Variants in NUTM1 observed in about 807,000 individuals in gnomAD.
NUTM1 encodes the protein NUT midline carcinoma family member 1.
Under a neutral mutation model 88.7 loss-of-function variants are expected in NUTM1, and 39 were observed. The observed-to-expected ratio is 0.44, with a 90% confidence interval of 0.34 to 0.57. The LOEUF is 0.57. Ranked by LOEUF, NUTM1 falls within the 20% of genes least tolerant of loss-of-function variation. The pLI is 0.01. For synonymous variants in NUTM1, 494 were observed against 538.0 expected, an observed-to-expected ratio of 0.92 and a Z score of 1.13; for missense variants, 1,350 against 1,414.5, an observed-to-expected ratio of 0.95 and a Z score of 0.73.
chr15:34,344,190 C>G (rs928114625), intron 1 of NUTM1, among the ~76,000 whole-genome samples: 3 of 146,524 alleles, frequency 2.0e-5, no homozygotes, highest in Non-Finnish European at 4.5e-5. Context: ...CCACTGCACT[C>G]CAGCCTGGGT....
intron 3 of NUTM1, among the ~76,000 whole-genome samples, chr15:34,350,354 T>G (rs888048115): frequency 3.3e-5 from 5 of 152,226 alleles, no homozygotes; most frequent in Admixed American, 2.0e-4. Flanking sequence ...ACATACTTTA[T>G]AGCAAATCCC....
In NUTM1 at chr15:34,353,892, A is replaced by T; in HGVS notation, c.1075+20A>T. 6.2e-7 allele frequency: 1 copy of T among 1,612,518 alleles called. No homozygotes were observed. Among genetic ancestry groups the T allele is most frequent in the Non-Finnish European group, 8.5e-7 (1 of 1,179,854 alleles). ...AGCCAGGTGAGGCTACCCAATTTTGACAGGAGCCGTGGGCCAAAGGCTCAA... is the reference window on the plus strand; with the variant it reads ...AGCCAGGTGAGGCTACCCAATTTTGTCAGGAGCCGTGGGCCAAAGGCTCAA... On this transcript the variant is annotated intron_variant, in intron 5 of 7. Coordinates refer to ENST00000537011, the MANE Select transcript of NUTM1 (RefSeq NM_001284292.2).
chr15:34,348,244 T>TC lies in NUTM1; in HGVS notation c.377dup (p.Ala127SerfsTer2). 1.2e-6 allele frequency: 2 copies of TC among 1,613,884 alleles called. No individual in the cohort carries two copies. Among genetic ancestry groups the TC allele is most frequent in the Non-Finnish European group, 1.7e-6 (2 of 1,179,976 alleles). On this transcript the variant is annotated frameshift_variant, in exon 3 of 8. Transcript: ENST00000537011. LOFTEE classifies it high-confidence loss of function. ...TGTCAAAGTCAAGACAGAAGGGGGG[T>TC]CAGCTGAGCCCTCTCAAACTCAGAA...
chr15:34,352,019 A>C (rs895838558), intron 4 of NUTM1, among the ~76,000 whole-genome samples: 11 of 152,002 alleles, frequency 7.2e-5, no homozygotes, highest in African/African-American at 2.7e-4. Flanking sequence ...AAAAATACAA[A>C]ATTAGCCAGG....
chr15:34,347,792 G>A (rs1008373883), intron 2 of NUTM1, among the ~76,000 whole-genome samples, 177 bp from the exon 3 acceptor site: 2 of 152,116 alleles, frequency 1.3e-5, no homozygotes, highest in Admixed American at 1.3e-4. Flanking sequence ...GGCGGAGATT[G>A]CAGTGAGCCG....
chr15:34,353,906 C>T, intron 5 of NUTM1, 34 bp downstream of exon 5: 1 of 1,610,838 alleles, frequency 6.2e-7, no homozygotes, highest in Non-Finnish European at 8.5e-7. Context: ...GAGCCGTGGG[C>T]CAAAGGCTCA....
intron 3 of NUTM1, 151 bp from the exon 4 acceptor site, chr15:34,350,553 G>A (rs777256600): frequency 3.8e-4 from 298 of 778,518 alleles, no homozygotes; most frequent in Non-Finnish European, 4.0e-4. Flanking sequence ...GAGGTTGAGC[G>A]TCTGTAAGTC....
chr15:34,345,846 C>T (rs978469607), intron 1 of NUTM1, 96 bp from the exon 2 acceptor site: 12 of 1,507,282 alleles, frequency 8.0e-6, no homozygotes, highest in Non-Finnish European at 1.1e-5. Flanking sequence ...CTCTCCCCTC[C>T]CCCACAGCAG....
chr15:34,356,749 G>A lies in NUTM1; in HGVS notation c.2741G>A (p.Ser914Asn). The part of the protein sequence containing the change: ...SLPEASQEAG[S>N]RGNSFSPLLE... Reference sequence around the variant, plus strand: ...CCTGAAGCCAGTCAAGAGGCAGGGAGCAGAGGCAATTCCTTTTCTCCTCTG... The same window carrying A: ...CCTGAAGCCAGTCAAGAGGCAGGGAACAGAGGCAATTCCTTTTCTCCTCTG... The change falls in exon 8 of 8, where the codon AGC becomes AAC. Residue 914 changes from serine (S) to asparagine (N), a missense_variant. This residue lies in a region of NUTM1 where 730 missense variants were observed against 728.8 expected (regional missense o/e 1.00). Transcript: ENST00000537011. 1.2e-6 allele frequency: 2 copies of A among 1,612,980 alleles called. No individual in the cohort carries two copies. Among genetic ancestry groups the A allele is most frequent in the Non-Finnish European group, 8.5e-7 (1 of 1,179,724 alleles).
At chr15:34,355,000 G>A (rs751403263) in intron 6 of NUTM1, 21 bp from the exon 7 acceptor site, 11 of 1,565,422 alleles carry the variant, frequency 7.0e-6, no homozygotes, top group African/African-American at 2.7e-5. Flanking sequence ...GACTTACATC[G>A]CTTTTCCTTC....
Position 34,355,467 on chromosome 15 carries a change from C to T in NUTM1, c.1480-21C>T, listed in dbSNP as rs1566890474. 6.2e-7 allele frequency: 1 copy of T among 1,613,590 alleles called. No homozygotes were observed. Among genetic ancestry groups the T allele is most frequent in the East Asian group, 2.2e-5 (1 of 44,890 alleles). The stretch of plus-strand genomic sequence containing the variant: ...CTTTCACAACCACGTATAGAACTGA[C>T]TATTTGTTCATTTCTTTCAGCTGGT... On this transcript the variant is annotated intron_variant, in intron 7 of 7. Transcript: ENST00000537011. The surrounding 1 kb of genome is among the most constrained non-coding windows in gnomAD (Gnocchi z 4.3).
rs1369276381 is a variant in NUTM1 at position 34,356,267 on chromosome 15, C to T, written c.2259C>T (p.Ser753=). ...GTCTCAGCCCAGGAGTTTGGCTGAG[C>T]AGTGAGATGGATGCTGTAGGCTTGG... ...DVCLSPGVWL[S]SEMDAVGLEL... is the part of the protein sequence containing the mutation. Residue 753 remains serine, a synonymous_variant, in exon 8 of 8, where the codon AGC becomes AGT. Transcript: ENST00000537011. The T allele has an allele frequency of 1.2e-6, 2 of 1,611,122 alleles. No homozygotes were observed. Among genetic ancestry groups the T allele is most frequent in the Non-Finnish European group, 1.7e-6 (2 of 1,178,526 alleles).
Position 34,354,665 on chromosome 15 carries a change from T to C in NUTM1, c.1295T>C (p.Met432Thr). The change falls in exon 6 of 8, where the codon ATG becomes ACG. Residue 432 changes from methionine to threonine, a missense_variant. Coordinates refer to ENST00000537011, the MANE Select transcript of NUTM1 (RefSeq NM_001284292.2). ...EEGQQQEEEGMYPDPGLLSYI... is the reference protein window; with the variant it reads ...EEGQQQEEEGTYPDPGLLSYI... ...GGGCAGCAGCAGGAGGAGGAAGGGATGTATCCAGATCCAGGTCTCCTGAGC... is the reference window on the plus strand; with the variant it reads ...GGGCAGCAGCAGGAGGAGGAAGGGACGTATCCAGATCCAGGTCTCCTGAGC... The C allele has an allele frequency of 6.2e-7, 1 of 1,614,082 alleles. No individual in the cohort carries two copies. Among genetic ancestry groups the C allele is most frequent in the Non-Finnish European group, 8.5e-7 (1 of 1,180,000 alleles).
rs1896320031 is a variant in NUTM1 at position 34,357,713 on chromosome 15, T to C, written c.*222T>C. ...AGGAGCTATATAGAAAAAAAATGAATAAAGTGTTTTGTTGGAAAATGCTCT... is the reference window on the plus strand; with the variant it reads ...AGGAGCTATATAGAAAAAAAATGAACAAAGTGTTTTGTTGGAAAATGCTCT... On this transcript the variant is annotated 3_prime_UTR_variant, in exon 8 of 8. Transcript: ENST00000537011. The C allele has an allele frequency of 1.3e-6, 1 of 783,860 alleles. No homozygotes were observed. Among genetic ancestry groups the C allele is most frequent in the Non-Finnish European group, 2.1e-6 (1 of 476,702 alleles). The allele number at this position is 783,860 out of a possible 1,614,324, so 48.6% of individuals were successfully genotyped here. A position where few individuals can be genotyped will look rare whatever the true frequency, so the allele number is the denominator to read the frequency against.
rs781414525 is a variant in NUTM1 at position 34,354,728 on chromosome 15, C to G, written c.1358C>G (p.Ser453Cys). 1 of 1,614,046 alleles carries G rather than the reference C, an allele frequency of 6.2e-7. No individual in the cohort carries two copies. Among genetic ancestry groups the G allele is most frequent in the South Asian group, 1.1e-5 (1 of 91,012 alleles). ...CTGTGTTCTCAGAAGGTCTTTGTCTCCAAGGTGAGCTGGGCCTGCACATCT... is the reference window on the plus strand; with the variant it reads ...CTGTGTTCTCAGAAGGTCTTTGTCTGCAAGGTGAGCTGGGCCTGCACATCT... ...NELCSQKVFV[S>C]KVEAVIHPQF... The change falls in exon 6 of 8, where the codon TCC becomes TGC. Residue 453 changes from serine (S) to cysteine (C), a missense_variant. Ser to Cys is a moderately radical substitution (Grantham distance 112). This residue lies in a region of NUTM1 where 126 missense variants were observed against 189.8 expected (regional missense o/e 0.66). Coordinates refer to ENST00000537011, the MANE Select transcript of NUTM1 (RefSeq NM_001284292.2).
intron 3 of NUTM1, among the ~76,000 whole-genome samples, chr15:34,348,989 GTC>G (rs1890659880): frequency 6.6e-6 from 1 of 152,092 alleles, no homozygotes; most frequent in African/African-American, 2.4e-5. Flanking sequence ...TGGAACTTAG[GTC>G]TCTCACTCTA....
rs372666845 is a variant in NUTM1, at chr15:34,355,012, G to A, written c.1363-9G>A. 1.9e-5 allele frequency: 30 copies of A among 1,599,008 alleles called. No individual in the cohort carries two copies. The highest frequency in any genetic ancestry group is 2.4e-5 in the Non-Finnish European group (28 of 1,166,572). ...ACAGACTTACATCGCTTTTCCTTCT[G>A]TTATCCAGGTGGAGGCTGTCATTCA... On this transcript the variant is annotated splice_polypyrimidine_tract_variant and intron_variant, in intron 6 of 7. Transcript: ENST00000537011. The surrounding 1 kb of genome is among the most constrained non-coding windows in gnomAD (Gnocchi z 4.3).
In NUTM1 at chr15:34,345,773, G is replaced by T. The variant is rs115911274; in HGVS notation, c.7-169G>T. On this transcript the variant is annotated intron_variant, in intron 1 of 7. Coordinates refer to ENST00000537011, the MANE Select transcript of NUTM1 (RefSeq NM_001284292.2). Reference sequence around the variant, plus strand: ...AACTGTAGTTTGAAGGGAATTCCTGGTTTTTTCATACTTACTAGAACCCTT... The same window carrying T: ...AACTGTAGTTTGAAGGGAATTCCTGTTTTTTTCATACTTACTAGAACCCTT... 937 of 909,916 alleles carry T rather than the reference G, an allele frequency of 1.0e-3. 5 individuals carry two copies. In the African/African-American group the frequency reaches 0.013, roughly 12 times the overall value. 56.4% of individuals were successfully genotyped at this position (909,916 alleles called of 1,614,324 possible). A position where few individuals can be genotyped will look rare whatever the true frequency, so the allele number is the denominator to read the frequency against.
At position 34,357,240 on chromosome 15, in the gene NUTM1, A is replaced by G; in HGVS notation, c.3232A>G (p.Arg1078Gly). Residue 1078 changes from arginine to glycine, a missense_variant, in exon 8 of 8, where the codon AGA becomes GGA. Physicochemically the swap from Arg to Gly is moderately radical, Grantham distance 125. Transcript: ENST00000537011. ...TGCCTCAGGAGGTCAGGGCAGCCAG[A>G]GAGCATCCCACCTGCTCCCTGCTGG... is the stretch of plus-strand genomic sequence containing the variant. Reference protein sequence around the residue: ...HHASGGQGSQRASHLLPAGAK... With the variant: ...HHASGGQGSQGASHLLPAGAK... 6.2e-7 allele frequency: 1 copy of G among 1,614,102 alleles called. No homozygotes were observed. The highest frequency in any genetic ancestry group is 8.5e-7 in the Non-Finnish European group (1 of 1,179,996).
Sources: gnomAD v4.1 joint callset for allele counts (sites outside exome capture counted in the v4.1 genomes callset) on GRCh38, gnomAD v4.1.1 for gene constraint, gnomAD v4.1.1 regional missense constraint, Gnocchi (gnomAD v3.1) non-coding constraint, MANE v1.5 for transcripts, NCBI Gene and HGNC (gene_info 2026-07-23, HGNC 2026-07-21) for gene names.